The following MGA variants were observed in gnomAD, a reference collection of about 807,000 sequenced individuals.
MGA encodes MAX gene-associated protein.
Under a neutral mutation model 261.1 loss-of-function variants are expected in MGA, and 40 were observed. The observed-to-expected ratio is 0.15, with a 90% CI of 0.12 to 0.20. The LOEUF (loss-of-function observed/expected upper bound fraction) is 0.20, where lower values mean the gene tolerates loss of function less well. Among genes scored for constraint, MGA ranks in the 10% least tolerant of loss-of-function variants. The probability of loss-of-function intolerance (pLI) is 1.00; values close to 1 mark genes in which losing one functional copy is unlikely to be tolerated. For synonymous variants in MGA, 1,302 were observed against 1,290.6 expected (o/e 1.01, Z -0.19); for missense variants, 3,397 against 3,630.5 (o/e 0.94, Z 1.65).
chr15:41,768,843 C>T lies in MGA; in HGVS notation c.*1563C>T, dbSNP rs969762863. 1 of 152,126 alleles carries T rather than the reference C, an allele frequency of 6.6e-6. No individual in the cohort carries two copies. Among genetic ancestry groups the T allele is most frequent in the African/African-American group, 2.4e-5 (1 of 41,402 alleles). The allele number at this position is 152,126 out of a possible 1,614,324, so 9.4% of individuals were successfully genotyped here. On this transcript the variant is annotated 3_prime_UTR_variant, in exon 24 of 24. Coordinates refer to ENST00000219905, the MANE Select transcript of MGA (RefSeq NM_001164273.2). ...GAATTATTATTTCCATGGTTGGTTC[C>T]CTTTCTGTTAACTCTGGTAATCAAC...
At chr15:41,711,986 C>T (rs148216381) in intron 8 of MGA, among the ~76,000 whole-genome samples, 6 of 152,224 alleles carry the variant, frequency 3.9e-5, no homozygotes, top group East Asian at 3.9e-4. Flanking sequence ...TGAGTCACCA[C>T]GCCCGGCCTG....
At chr15:41,710,034 T>G (rs908412478) in intron 7 of MGA, among the ~76,000 whole-genome samples, 1 of 151,730 alleles carries the variant, frequency 6.6e-6, no homozygotes, top group African/African-American at 2.4e-5. Flanking sequence ...TCCATGTTGG[T>G]CAGGCTGGTC....
At chr15:41,625,418 G>A (rs1275232001) in intron 1 of MGA, among the ~76,000 whole-genome samples, 1 of 151,300 alleles carries the variant, frequency 6.6e-6, no homozygotes, top group Non-Finnish European at 1.5e-5. Context: ...TGATACAGGA[G>A]GATTCCTTGA....
rs187016561 is a variant in MGA at position 41,686,981 on chromosome 15, G to C, written c.1065-9094G>C. ...GGGTTATGGTTACCTCATAAAACAC[G>C]TTGCAAAGTGTTCTGTTTTCTGTAT... On this transcript the variant is annotated intron_variant, in intron 2 of 23. Coordinates refer to ENST00000219905, the MANE Select transcript of MGA (RefSeq NM_001164273.2). Among the ~76,000 whole-genome samples the C allele has an allele frequency of 2.0e-5, 3 of 151,962 alleles. No homozygotes were observed. In the East Asian group the frequency reaches 5.8e-4, roughly 29 times the overall value.
intron 2 of MGA, among the ~76,000 whole-genome samples, chr15:41,694,021 G>A (rs1414469466): frequency 6.6e-6 from 1 of 152,014 alleles, no homozygotes; most frequent in Non-Finnish European, 1.5e-5. Context: ...ATTCTGGGGG[G>A]AAAAAACTGT....
At chr15:41,723,727 T>C (rs1387517641) in intron 9 of MGA, among the ~76,000 whole-genome samples, 1 of 152,182 alleles carries the variant, frequency 6.6e-6, no homozygotes, top group Non-Finnish European at 1.5e-5. Flanking sequence ...ACCCCATTTT[T>C]AGTATGTTGT....
At chr15:41,726,395 ATGTT>A (rs955902618) in intron 9 of MGA, among the ~76,000 whole-genome samples, 19 of 152,290 alleles carry the variant, frequency 1.2e-4, no homozygotes, top group African/African-American at 4.3e-4. Context: ...GGTTCAGTAA[ATGTT>A]TGTTGTTATT....
At chr15:41,715,353 T>C (rs1210940725) in intron 9 of MGA, among the ~76,000 whole-genome samples, 2 of 151,888 alleles carry the variant, frequency 1.3e-5, no homozygotes, top group Admixed American at 6.6e-5. Flanking sequence ...TTTCACCATA[T>C]TGGCCAGGCT....
intron 1 of MGA, among the ~76,000 whole-genome samples, chr15:41,661,334 A>T (rs2057383865): frequency 6.9e-6 from 1 of 144,366 alleles, no homozygotes; most frequent in Admixed American, 7.1e-5. Flanking sequence ...CATTAACATC[A>T]CCCCCCCACC....
intron 2 of MGA, among the ~76,000 whole-genome samples, chr15:41,693,607 A>T (rs1233655969): frequency 6.6e-6 from 1 of 152,166 alleles, no homozygotes; most frequent in Non-Finnish European, 1.5e-5. Flanking sequence ...GTACTTCATT[A>T]ATGATGGCTT....
intron 1 of MGA, among the ~76,000 whole-genome samples, chr15:41,622,054 G>T (rs2056309629): frequency 6.6e-6 from 1 of 151,772 alleles, no homozygotes; most frequent in Non-Finnish European, 1.5e-5. Context: ...GGTGGGGGGC[G>T]TGGCGGGTCA....
chr15:41,642,396 A>G (rs1187725725), intron 1 of MGA, among the ~76,000 whole-genome samples: 1 of 133,712 alleles, frequency 7.5e-6, no homozygotes, highest in Non-Finnish European at 1.6e-5. Context: ...TGCAACTTCC[A>G]CCTCCCGGGT....
rs148061618 is a variant in MGA at position 41,642,433 on chromosome 15, C to T, written c.-68+21135C>T. Among the ~76,000 whole-genome samples, 820 of 151,688 alleles carry T rather than the reference C, an allele frequency of 5.4e-3. 5 individuals are homozygous for T. Among genetic ancestry groups the T allele is most frequent in the Non-Finnish European group, 8.8e-3 (601 of 67,912 alleles). The stretch of plus-strand genomic sequence containing the variant: ...CAAGCTTTTCTCCTGCCTCAGCCCC[C>T]CAAGTAGCTGGGATTACAGGTGCCC... On this transcript the variant is annotated intron_variant, in intron 1 of 8. Transcript: ENST00000566718.
At chr15:41,762,461 G>GTTTTTTTTTTTGTTTTTTTTTTTTTTT (rs2063525666) in intron 22 of MGA, 99 bp downstream of exon 22, 1 of 125,094 alleles carries the variant, frequency 8.0e-6, no homozygotes, top group African/African-American at 6.6e-5. Context: ...GTTTTGTGTG[G>GTTTTTTTTTTTGTTTTTTTTTTTTTTT]TTTTTTTTTT....
At chr15:41,688,807 G>A (rs1296813846) in intron 2 of MGA, among the ~76,000 whole-genome samples, 1 of 152,172 alleles carries the variant, frequency 6.6e-6, no homozygotes, top group African/African-American at 2.4e-5. Flanking sequence ...AGCAACAGAA[G>A]TTTTATTTTT....
At chr15:41,709,797 T>TG (rs1216134815) in intron 7 of MGA, among the ~76,000 whole-genome samples, 1 of 151,774 alleles carries the variant, frequency 6.6e-6, no homozygotes, top group African/African-American at 2.4e-5. Flanking sequence ...TTTTTTTTTT[T>TG]TTTTCCCCTG....
chr15:41,725,278 G>A (rs1445785266), intron 9 of MGA, among the ~76,000 whole-genome samples: 1 of 152,134 alleles, frequency 6.6e-6, no homozygotes, highest in Admixed American at 6.5e-5. Context: ...TTCAAAACAG[G>A]CCTGGGTAAC....
intron 2 of MGA, among the ~76,000 whole-genome samples, chr15:41,689,425 C>T (rs1330596109): frequency 6.6e-6 from 1 of 151,240 alleles, no homozygotes; most frequent in Non-Finnish European, 1.5e-5. Flanking sequence ...CTCTTTCCCT[C>T]TCTCCTTCTC....
intron 2 of MGA, among the ~76,000 whole-genome samples, chr15:41,695,005 T>G (rs1367986696): frequency 6.6e-6 from 1 of 152,160 alleles, no homozygotes; most frequent in African/African-American, 2.4e-5. Context: ...TTGTTACATG[T>G]TATTTGTTAG....
Sources: allele counts gnomAD v4.1 joint callset (sites outside exome capture counted in the v4.1 genomes callset), GRCh38; gene constraint gnomAD v4.1.1; transcripts MANE v1.5; gene names NCBI Gene and HGNC (gene_info 2026-07-23, HGNC 2026-07-21).